Variants in MICAL2 observed in about 807,000 individuals in gnomAD.
MICAL2 encodes the protein [F-actin]-monooxygenase MICAL2.
In MICAL2, 77 loss-of-function variants were observed where a neutral mutation model predicts 127.3. The ratio of observed to expected loss-of-function variants is 0.60; its 90% CI spans 0.50 to 0.73. The LOEUF is 0.73. Ranked by LOEUF, MICAL2 falls within the 30% of genes least tolerant of loss-of-function variation. The probability of loss-of-function intolerance (pLI) is 0.00; values close to 1 mark genes in which losing one functional copy is unlikely to be tolerated. For missense variants in MICAL2, 1,351 were observed against 1,434.4 expected (o/e 0.94, Z 0.94); for synonymous variants, 570 against 551.1 (o/e 1.03, Z -0.48).
intron 4 of MICAL2, among the ~76,000 whole-genome samples, chr11:12,206,298 G>C (rs1469330725): frequency 6.6e-6 from 1 of 152,158 alleles, no homozygotes; most frequent in African/African-American, 2.4e-5. Context: ...TGCCCTCATT[G>C]ATGGGGCTTT....
At chr11:12,319,983 T>TA (rs1012717441) in intron 30 of MICAL2, among the ~76,000 whole-genome samples, 12 of 151,732 alleles carry the variant, frequency 7.9e-5, no homozygotes, top group Admixed American at 2.0e-4. Context: ...TTATCTTCTT[T>TA]AAAAAAAACT....
In MICAL2 at chr11:12,223,470, G is replaced by A. The variant is rs144179632; in HGVS notation, c.1509G>A (p.Ser503=). The stretch of plus-strand genomic sequence containing the variant: ...ACTACCCTCTCGAGAGACTGGGCTC[G>A]GTGAGGAGATCTGTCAACCTCTCCA... ...LEHYPLERLG[S]VRRSVNLSRK... The change falls in exon 12 of 28, where the codon TCG becomes TCA. Residue 503 remains serine (S), a synonymous_variant. Transcript: ENST00000683283. 82 of 1,614,030 alleles carry A rather than the reference G, an allele frequency of 5.1e-5. No homozygotes were observed. In the East Asian group the frequency reaches 6.9e-4, roughly 14 times the overall value.
chr11:12,299,851 C>A (rs10831779), intron 29 of MICAL2, among the ~76,000 whole-genome samples: 66,369 of 152,140 alleles, frequency 0.44, 16,234 homozygotes, highest in Non-Finnish European at 0.56. Flanking sequence ...AAAGGTACTT[C>A]TCATCTGCCT....
chr11:12,127,490 T>C (rs564567590), intron 1 of MICAL2, among the ~76,000 whole-genome samples: 2 of 152,098 alleles, frequency 1.3e-5, no homozygotes, highest in African/African-American at 4.8e-5. Context: ...AGAGGTATGG[T>C]GGAGAAAATC....
chr11:12,213,955 G>C (rs1250224596), intron 7 of MICAL2, among the ~76,000 whole-genome samples: 1 of 152,188 alleles, frequency 6.6e-6, no homozygotes, highest in Non-Finnish European at 1.5e-5. Flanking sequence ...CCAGCCATGG[G>C]CCTAGAGGAT....
chr11:12,143,690 C>G (rs1852580741), intron 2 of MICAL2, among the ~76,000 whole-genome samples: 1 of 152,146 alleles, frequency 6.6e-6, no homozygotes, highest in African/African-American at 2.4e-5. Flanking sequence ...CTTGTGAGTT[C>G]CTGCGCAGAT....
intron 32 of MICAL2, among the ~76,000 whole-genome samples, chr11:12,334,157 C>T (rs570281958): frequency 1.2e-4 from 19 of 152,266 alleles, no homozygotes; most frequent in African/African-American, 4.3e-4. Flanking sequence ...TATACAGTCA[C>T]ACTCTGTTAT....
intron 3 of MICAL2, chr11:12,163,686 G>C (rs977583282): frequency 2.6e-5 from 4 of 152,392 alleles, no homozygotes; most frequent in Admixed American, 6.5e-5. Context: ...GGAGATGGGG[G>C]AGGTAGGGAA....
At chr11:12,127,155 G>A (rs1334497777) in intron 1 of MICAL2, among the ~76,000 whole-genome samples, 2 of 152,180 alleles carry the variant, frequency 1.3e-5, no homozygotes, top group Non-Finnish European at 2.9e-5. Flanking sequence ...GGGTCTCACA[G>A]GGAACTCTTG....
At chr11:12,214,587 T>C (rs970096387) in intron 7 of MICAL2, among the ~76,000 whole-genome samples, 5 of 152,252 alleles carry the variant, frequency 3.3e-5, no homozygotes, top group African/African-American at 4.8e-5. Context: ...GCCACATGGT[T>C]CTATACTGCC....
In MICAL2 at chr11:12,258,689, C is replaced by T. The variant is rs1862666204; in HGVS notation, c.3231+133C>T. On this transcript the variant is annotated intron_variant, in intron 25 of 27. Coordinates refer to ENST00000683283, the MANE Select transcript of MICAL2 (RefSeq NM_001282663.2). ...GACTCACAGATAAAGAAGAAAGCCT[C>T]TGCTTCCTGGTGTGGAGGGTTCTTT... 2.7e-5 allele frequency: 21 copies of T among 779,872 alleles called. No homozygotes were observed. In the South Asian group the frequency reaches 3.6e-4, roughly 13 times the overall value. The allele number at this position is 779,872 out of a possible 1,614,324, so 48.3% of individuals were successfully genotyped here. A position where few individuals can be genotyped will look rare whatever the true frequency, so the allele number is the denominator to read the frequency against.
At chr11:12,272,030 C>T (rs547873823), upstream of MICAL2, among the ~76,000 whole-genome samples, 126 of 152,318 alleles carry the variant, frequency 8.3e-4, no homozygotes, top group South Asian at 1.5e-3. Context: ...ATCTGTCAGC[C>T]GTGCCCTCCA....
chr11:12,303,051 G>A (rs1198952678), intron 29 of MICAL2, among the ~76,000 whole-genome samples: 2 of 152,066 alleles, frequency 1.3e-5, no homozygotes, highest in Non-Finnish European at 2.9e-5. Flanking sequence ...GGGAAATGCC[G>A]GACGCTTATA....
In MICAL2 at chr11:12,235,410, C is replaced by A. The variant is rs755858090; in HGVS notation, c.1996-767C>A. On this transcript the variant is annotated intron_variant, in intron 15 of 27. Transcript: ENST00000683283. ...GGGCTGTGAGGCGTTCTCAGTAGGG[C>A]AACCATGTCATGTATCATCTAAACC... Among the ~76,000 whole-genome samples the A allele has an allele frequency of 3.1e-4, 47 of 152,066 alleles. 1 individual carries two copies. The highest frequency in any genetic ancestry group is 7.4e-5 in the Non-Finnish European group (5 of 68,024).
intron 32 of MICAL2, among the ~76,000 whole-genome samples, chr11:12,332,941 T>C (rs1252214144): frequency 6.6e-6 from 1 of 152,186 alleles, no homozygotes; most frequent in Non-Finnish European, 1.5e-5. Flanking sequence ...TCCTAGTCTA[T>C]GGAAGACTGG....
At chr11:12,336,937 G>A (rs1938774959) in intron 32 of MICAL2, among the ~76,000 whole-genome samples, 2 of 152,116 alleles carry the variant, frequency 1.3e-5, no homozygotes, top group Non-Finnish European at 2.9e-5. Flanking sequence ...GTCTCTACCA[G>A]GCTTTGGTAT....
chr11:12,226,471 G>T (rs1289185706), intron 14 of MICAL2, 101 bp downstream of exon 14: 11 of 1,233,472 alleles, frequency 8.9e-6, no homozygotes, highest in Non-Finnish European at 1.1e-5. Context: ...TTCTGGGGCT[G>T]CCCAGTGTGT....
chr11:12,258,612 C>T (rs1565270496), intron 25 of MICAL2, 56 bp downstream of exon 25: 2 of 1,513,568 alleles, frequency 1.3e-6, no homozygotes, highest in Non-Finnish European at 1.8e-6. Flanking sequence ...ATAAGGGTTT[C>T]CAGTGATCCT....
At chr11:12,217,261 C>T (rs1856290139) in intron 8 of MICAL2, among the ~76,000 whole-genome samples, 1 of 152,188 alleles carries the variant, frequency 6.6e-6, no homozygotes, top group African/African-American at 2.4e-5. Flanking sequence ...TTCATTGCTG[C>T]TTGTCAGAGA....
Sources: gnomAD v4.1 joint callset for allele counts (sites outside exome capture counted in the v4.1 genomes callset) on GRCh38, gnomAD v4.1.1 for gene constraint, MANE v1.5 for transcripts, NCBI Gene and HGNC (gene_info 2026-07-23, HGNC 2026-07-21) for gene names.